Variants in NPAS3 observed in about 807,000 individuals in gnomAD.
The protein encoded by NPAS3 is neuronal PAS domain protein 3.
NPAS3 carries 14 observed loss-of-function variants against 73.1 expected under a neutral mutation model. The observed-to-expected ratio is 0.19, with a 90% CI of 0.13 to 0.30. NPAS3 has a LOEUF of 0.30. NPAS3 is among the 10% of genes least tolerant of loss of function. The pLI, the probability that NPAS3 is intolerant of heterozygous loss-of-function variation, is 1.00. For synonymous variants in NPAS3, 620 were observed against 541.5 expected, an observed-to-expected ratio of 1.14 and a Z score of -2.01; for missense variants, 1,096 against 1,250.0, an observed-to-expected ratio of 0.88 and a Z score of 1.86.
At chr14:33,423,067 T>C (rs76273910) in intron 4 of NPAS3, among the ~76,000 whole-genome samples, 16,011 of 152,010 alleles carry the variant, frequency 0.11, 1,228 homozygotes, top group East Asian at 0.39. Flanking sequence ...AGTTATAACA[T>C]TACCTGCCTC....
intron 5 of NPAS3, among the ~76,000 whole-genome samples, chr14:33,674,076 A>G (rs1398716109): frequency 6.6e-6 from 1 of 152,092 alleles, no homozygotes; most frequent in South Asian, 2.1e-4. Context: ...GCACATCAAG[A>G]CTCAGTCTTG....
intron 4 of NPAS3, among the ~76,000 whole-genome samples, chr14:33,430,648 A>G (rs1343320924): frequency 1.3e-5 from 2 of 152,252 alleles, no homozygotes; most frequent in South Asian, 2.1e-4. Flanking sequence ...TAAGCCAGGC[A>G]ACAGAACTGG....
At chr14:33,680,886 G>A (rs2059916676) in intron 6 of NPAS3, 3 of 491,786 alleles carry the variant, frequency 6.1e-6, no homozygotes, top group Non-Finnish European at 1.1e-5. Context: ...AAATTTTCAG[G>A]CAAAATCTAG....
intron 2 of NPAS3, among the ~76,000 whole-genome samples, chr14:33,143,345 G>T (rs552309324): frequency 6.6e-6 from 1 of 151,926 alleles, no homozygotes; most frequent in Non-Finnish European, 1.5e-5. Flanking sequence ...TACAAAATTA[G>T]CCAGGCATGG....
intron 2 of NPAS3, chr14:33,214,937 A>G: frequency 2.0e-6 from 1 of 512,222 alleles, no homozygotes; most frequent in Non-Finnish European, 3.5e-6. Flanking sequence ...ATTGAAGGAA[A>G]AAAACCTTAA....
intron 2 of NPAS3, among the ~76,000 whole-genome samples, chr14:33,074,361 G>A (rs1426292910): frequency 1.3e-5 from 2 of 152,184 alleles, no homozygotes; most frequent in African/African-American, 4.8e-5. Context: ...TGTGCATTAA[G>A]GTACCAATCA....
chr14:33,352,599 A>G (rs1464504657), intron 3 of NPAS3, among the ~76,000 whole-genome samples: 1 of 152,194 alleles, frequency 6.6e-6, no homozygotes, highest in Non-Finnish European at 1.5e-5. Flanking sequence ...TTTAGAAATA[A>G]ATGTTTCTGA....
chr14:33,147,113 C>T (rs970568196), intron 2 of NPAS3, among the ~76,000 whole-genome samples: 9 of 151,736 alleles, frequency 5.9e-5, no homozygotes, highest in Non-Finnish European at 1.2e-4. Context: ...AATAAGTAAA[C>T]ACAACCTTAC....
intron 2 of NPAS3, among the ~76,000 whole-genome samples, chr14:33,178,199 C>T (rs967341976): frequency 4.0e-5 from 6 of 151,614 alleles, no homozygotes; most frequent in South Asian, 2.1e-4. Context: ...CTCAGCCTCC[C>T]GAGTGGCTGG....
chr14:32,954,223 G>A lies in NPAS3; in HGVS notation c.50+14857G>A, dbSNP rs145514090. ...GGTTTGTTTCGGTTTAGCTGATTCA[G>A]TAGTGGATGGGTCCTAATGATGTTA... On this transcript the variant is annotated intron_variant, in intron 1 of 11. Coordinates refer to ENST00000356141, the Ensembl canonical transcript of NPAS3. 2.2e-3 allele frequency among the ~76,000 whole-genome samples: 339 copies of A among 152,308 alleles called. 2 individuals are homozygous for A. Among genetic ancestry groups the A allele is most frequent in the African/African-American group, 7.7e-3 (322 of 41,572 alleles).
At chr14:33,164,009 G>A (rs1407448555) in intron 2 of NPAS3, among the ~76,000 whole-genome samples, 1 of 152,206 alleles carries the variant, frequency 6.6e-6, no homozygotes, top group Non-Finnish European at 1.5e-5. Context: ...CAGGGTTATG[G>A]GCAGTGAAGA....
intron 2 of NPAS3, among the ~76,000 whole-genome samples, chr14:33,165,889 C>T (rs2045120832): frequency 1.3e-5 from 2 of 152,192 alleles, no homozygotes; most frequent in Non-Finnish European, 2.9e-5. Context: ...GTTCTGTCCA[C>T]ATTCTGTGAG....
At chr14:32,951,962 A>G (rs1034709538) in intron 1 of NPAS3, among the ~76,000 whole-genome samples, 2 of 152,028 alleles carry the variant, frequency 1.3e-5, no homozygotes, top group East Asian at 3.8e-4. Context: ...TAAATTAATG[A>G]CTTTTAAAAT....
chr14:33,078,863 T>C (rs2041764367), intron 2 of NPAS3, among the ~76,000 whole-genome samples: 1 of 152,028 alleles, frequency 6.6e-6, no homozygotes, highest in African/African-American at 2.4e-5. Flanking sequence ...ACCAGTAAAG[T>C]TTTAGAAAAT....
chr14:33,083,372 A>G (rs921772086), intron 2 of NPAS3, among the ~76,000 whole-genome samples: 2 of 152,054 alleles, frequency 1.3e-5, no homozygotes, highest in Admixed American at 1.3e-4. Context: ...TAGTAGCTAT[A>G]TTGGCAACTA....
intron 2 of NPAS3, among the ~76,000 whole-genome samples, chr14:33,146,055 C>G (rs912485295): frequency 2.0e-5 from 3 of 152,100 alleles, no homozygotes; most frequent in Non-Finnish European, 4.4e-5. Context: ...GCTGCTATGT[C>G]CTTGTTAGAG....
chr14:32,977,356 G>GCGCA (rs1555313829), intron 1 of NPAS3, among the ~76,000 whole-genome samples: 1 of 141,448 alleles, frequency 7.1e-6, no homozygotes, highest in African/African-American at 2.6e-5. Context: ...TCTCTGACAC[G>GCGCA]CACACACACA....
At chr14:33,460,724 G>GT (rs932193671) in intron 4 of NPAS3, among the ~76,000 whole-genome samples, 23 of 152,006 alleles carry the variant, frequency 1.5e-4, no homozygotes, top group African/African-American at 5.5e-4. Flanking sequence ...GGTTGTCGTC[G>GT]TTTTGTTTTT....
chr14:33,797,335 G>T, intron 10 of NPAS3, 122 bp from the exon 11 acceptor site: 1 of 1,074,414 alleles, frequency 9.3e-7, no homozygotes, highest in Non-Finnish European at 1.4e-6. Context: ...ATGATTTCAT[G>T]TTTAGTCTTT....
Sources: allele counts gnomAD v4.1 joint callset (sites outside exome capture counted in the v4.1 genomes callset), GRCh38; gene constraint gnomAD v4.1.1; transcripts MANE v1.5; gene names NCBI Gene and HGNC (gene_info 2026-07-23, HGNC 2026-07-21).